Variants in PRKG1 observed in about 807,000 individuals in gnomAD.
PRKG1 encodes the protein protein kinase cGMP-dependent 1, also known as cGMP-dependent protein kinase 1.
Under a neutral mutation model 88.1 loss-of-function variants are expected in PRKG1, and 35 were observed. That is an observed-to-expected ratio of 0.40 (90% CI 0.30 to 0.53). The LOEUF (loss-of-function observed/expected upper bound fraction) is 0.53. PRKG1 is among the 20% of genes least tolerant of loss of function. PRKG1 has a pLI of 0.59. For synonymous variants in PRKG1, 303 were observed against 292.5 expected, an observed-to-expected ratio of 1.04 and a Z score of -0.37; for missense variants, 540 against 839.8, an observed-to-expected ratio of 0.64 and a Z score of 4.41.
intron 9 of PRKG1, among the ~76,000 whole-genome samples, chr10:52,244,896 T>A (rs555778261): frequency 0.059 from 3,983 of 67,684 alleles, 74 homozygotes; most frequent in Admixed American, 0.094. Context: ...AATACTTTTT[T>A]AATAAACTTT....
chr10:52,062,869 T>C (rs1194270626), intron 7 of PRKG1: 1 of 701,516 alleles, frequency 1.4e-6, no homozygotes. Context: ...ATTGGAAACA[T>C]TTTCAGGTTT....
At chr10:51,636,613 C>G in intron 3 of PRKG1, among the ~76,000 whole-genome samples, 1 of 152,128 alleles carries the variant, frequency 6.6e-6, no homozygotes, top group East Asian at 1.9e-4. Flanking sequence ...GGATATTTCA[C>G]ATGGAATGAT....
chr10:51,399,262 A>C (rs1837667450), intron 2 of PRKG1, among the ~76,000 whole-genome samples: 1 of 152,170 alleles, frequency 6.6e-6, no homozygotes, highest in African/African-American at 2.4e-5. Flanking sequence ...TAGGAATTTC[A>C]TATGATACAT....
intron 9 of PRKG1, among the ~76,000 whole-genome samples, chr10:52,250,859 C>T (rs1841152786): frequency 6.6e-6 from 1 of 152,112 alleles, no homozygotes; most frequent in Non-Finnish European, 1.5e-5. Context: ...GAATAGCAGT[C>T]CATGCTTCTC....
chr10:50,991,163 C>T lies in PRKG1; in HGVS notation c.-216C>T. 1 of 586,718 alleles carries T rather than the reference C, an allele frequency of 1.7e-6. No individual in the cohort carries two copies. Among genetic ancestry groups the T allele is most frequent in the South Asian group, 2.3e-5 (1 of 43,928 alleles). 36.3% of individuals were successfully genotyped at this position (586,718 alleles called of 1,614,324 possible). On this transcript the variant is annotated 5_prime_UTR_variant, in exon 1 of 18. Transcript: ENST00000401604. The surrounding 1 kb of genome is among the most constrained non-coding windows in gnomAD (Gnocchi z 4.5). ...CTCCATCGCTTTTAGACTTCTCATC[C>T]TCCCCTCGGTGCTTTTAGTCCATTC...
At chr10:51,866,067 T>C (rs1278055332) in intron 4 of PRKG1, among the ~76,000 whole-genome samples, 2 of 152,030 alleles carry the variant, frequency 1.3e-5, no homozygotes, top group Non-Finnish European at 2.9e-5. Flanking sequence ...TTAATCTTTG[T>C]AGAGAACCTA....
At chr10:51,986,570 T>C (rs1844162977) in intron 5 of PRKG1, among the ~76,000 whole-genome samples, 1 of 152,192 alleles carries the variant, frequency 6.6e-6, no homozygotes, top group Non-Finnish European at 1.5e-5. Flanking sequence ...TGCTGGGATG[T>C]TGACATCAGC....
chr10:51,398,475 G>A (rs970358021), intron 2 of PRKG1, among the ~76,000 whole-genome samples: 1 of 152,178 alleles, frequency 6.6e-6, no homozygotes, highest in African/African-American at 2.4e-5. Flanking sequence ...CCCAGGATTT[G>A]AGGACCCCTG....
At chr10:52,288,291 G>T (rs760466413) in intron 14 of PRKG1, among the ~76,000 whole-genome samples, 1 of 152,080 alleles carries the variant, frequency 6.6e-6, no homozygotes, top group Non-Finnish European at 1.5e-5. Context: ...CAGAGAGAAG[G>T]CTATTGTTTC....
intron 2 of PRKG1, among the ~76,000 whole-genome samples, chr10:51,389,329 C>T (rs1837337277): frequency 6.6e-6 from 1 of 152,124 alleles, no homozygotes; most frequent in African/African-American, 2.4e-5. Context: ...GTGCCCCATG[C>T]CACAGAATAA....
At chr10:52,201,489 G>A in intron 9 of PRKG1, among the ~76,000 whole-genome samples, 1 of 152,040 alleles carries the variant, frequency 6.6e-6, no homozygotes, top group East Asian at 1.9e-4. Flanking sequence ...GTACTGTAAT[G>A]CTTCTAAGTT....
chr10:51,846,902 A>G (rs1222947968), intron 4 of PRKG1, among the ~76,000 whole-genome samples: 4 of 152,190 alleles, frequency 2.6e-5, no homozygotes, highest in Non-Finnish European at 4.4e-5. Flanking sequence ...TTGCAATAAT[A>G]TTATTTCAGA....
chr10:52,169,756 G>A (rs866237992), intron 9 of PRKG1, among the ~76,000 whole-genome samples: 1 of 152,168 alleles, frequency 6.6e-6, no homozygotes, highest in Non-Finnish European at 1.5e-5. Context: ...AGGATTCAAT[G>A]AGCTTACACC....
chr10:51,313,017 C>G lies in PRKG1; in HGVS notation c.479-154706C>G, dbSNP rs556018701. 2.1e-3 allele frequency among the ~76,000 whole-genome samples: 321 copies of G among 151,100 alleles called. 2 individuals carry two copies. Among genetic ancestry groups the G allele is most frequent in the African/African-American group, 7.5e-3 (310 of 41,160 alleles). Reference sequence around the variant, plus strand: ...TGTGACATGGGCTGATATCATTATTCCACATTGATAAAGAAAGATATTTAA... The same window carrying G: ...TGTGACATGGGCTGATATCATTATTGCACATTGATAAAGAAAGATATTTAA... On this transcript the variant is annotated intron_variant, in intron 2 of 17. Coordinates refer to ENST00000373980, the MANE Select transcript of PRKG1 (RefSeq NM_006258.4).
chr10:51,405,115 G>A (rs1392679429), intron 2 of PRKG1, among the ~76,000 whole-genome samples: 1 of 152,138 alleles, frequency 6.6e-6, no homozygotes, highest in Non-Finnish European at 1.5e-5. Context: ...TCATTAAGTG[G>A]AGGGCAGTTG....
chr10:51,541,424 T>C (rs964754439), intron 3 of PRKG1, among the ~76,000 whole-genome samples: 1 of 152,186 alleles, frequency 6.6e-6, no homozygotes, highest in Non-Finnish European at 1.5e-5. Flanking sequence ...AGTAAACAGA[T>C]AGATGAGTAA....
chr10:52,188,255 TATATATACATATGTATATATATAC>T (rs1839260598), intron 9 of PRKG1, among the ~76,000 whole-genome samples: 5 of 10,702 alleles, frequency 4.7e-4, no homozygotes, highest in African/African-American at 1.4e-3. Flanking sequence ...TATATGTGTA[TATATATACATATGTATATATATAC>T]ATATATATGT....
At chr10:51,279,383 T>C (rs990691358) in intron 2 of PRKG1, among the ~76,000 whole-genome samples, 3 of 152,210 alleles carry the variant, frequency 2.0e-5, no homozygotes, top group Non-Finnish European at 4.4e-5. Context: ...AATTATGTGG[T>C]CAATTTTGGA....
At chr10:51,660,213 T>G (rs7900152) in intron 3 of PRKG1, among the ~76,000 whole-genome samples, 148,437 of 151,308 alleles carry the variant, frequency 0.98, 72,820 homozygotes, top group East Asian at 1. Flanking sequence ...CTGAACAAGA[T>G]GGTTAGAATT....
Sources: gnomAD v4.1 joint callset for allele counts (sites outside exome capture counted in the v4.1 genomes callset) on GRCh38, gnomAD v4.1.1 for gene constraint, Gnocchi (gnomAD v3.1) non-coding constraint, MANE v1.5 for transcripts, NCBI Gene and HGNC (gene_info 2026-07-23, HGNC 2026-07-21) for gene names.